Variants in COPG2 observed in about 807,000 individuals in gnomAD.
COPG2 encodes the protein coatomer subunit gamma-2.
In COPG2, 37 loss-of-function variants were observed where a neutral mutation model predicts 46.3. The ratio of observed to expected loss-of-function variants is 0.80; its 90% CI spans 0.61 to 1.05. COPG2 has a LOEUF of 1.05. Ranked by LOEUF, COPG2 falls within the 50% of genes least tolerant of loss-of-function variation. The probability of loss-of-function intolerance (pLI) is 0.00; values close to 1 mark genes in which losing one functional copy is unlikely to be tolerated. For missense variants in COPG2, 427 were observed against 387.8 expected (o/e 1.10, Z -0.85); for synonymous variants, 159 against 129.7 (o/e 1.23, Z -1.53).
chr7:130,544,341 A>G (rs1349676893), intron 20 of COPG2, among the ~76,000 whole-genome samples: 2 of 152,180 alleles, frequency 1.3e-5, no homozygotes, highest in African/African-American at 2.4e-5. Context: ...CACTTTAAGG[A>G]AGTGTAGGCA....
intron 12 of COPG2, among the ~76,000 whole-genome samples, chr7:130,555,685 C>G (rs1401931534): frequency 2.0e-5 from 3 of 151,980 alleles, no homozygotes; most frequent in Non-Finnish European, 4.4e-5. Flanking sequence ...AAATATTAGC[C>G]AGGTGTGGTG....
intron 5 of COPG2, among the ~76,000 whole-genome samples, chr7:130,622,125 G>C (rs1428104259): frequency 2.6e-5 from 4 of 152,046 alleles, no homozygotes; most frequent in Non-Finnish European, 4.4e-5. Flanking sequence ...TGAATGACAG[G>C]GAAATGAACA....
intron 9 of COPG2, among the ~76,000 whole-genome samples, chr7:130,588,683 TATATC>T (rs1794335529): frequency 6.6e-6 from 1 of 152,098 alleles, no homozygotes; most frequent in South Asian, 2.1e-4. Flanking sequence ...CATTAGGAGA[TATATC>T]TAATGCTAAA....
chr7:130,574,589 G>T (rs1278250708), intron 9 of COPG2, among the ~76,000 whole-genome samples: 3 of 152,112 alleles, frequency 2.0e-5, no homozygotes, highest in African/African-American at 7.2e-5. Flanking sequence ...CTACCCAAAT[G>T]AGAAGGAACC....
intron 4 of COPG2, among the ~76,000 whole-genome samples, chr7:130,653,636 T>C (rs1329999005): frequency 1.3e-5 from 2 of 152,192 alleles, no homozygotes; most frequent in Admixed American, 1.3e-4. Flanking sequence ...GATTTATTCA[T>C]ACACTATGGA....
intron 1 of COPG2, among the ~76,000 whole-genome samples, 186 bp downstream of exon 1, chr7:130,668,446 C>A (rs1193787100): frequency 1.3e-5 from 2 of 149,066 alleles, no homozygotes; most frequent in East Asian, 2.0e-4. Flanking sequence ...GGCTCCGGCG[C>A]CCGGGGGAGG....
chr7:130,556,605 A>G (rs1793630547), intron 12 of COPG2, among the ~76,000 whole-genome samples: 2 of 152,240 alleles, frequency 1.3e-5, no homozygotes. Flanking sequence ...ATTACAGACT[A>G]AAATCATTTA....
At chr7:130,508,903 C>A in intron 20 of COPG2, 1 of 546,422 alleles carries the variant, frequency 1.8e-6, no homozygotes, top group Non-Finnish European at 3.3e-6. Flanking sequence ...CATGGGCAGA[C>A]TGTTTCTCTA....
chr7:130,579,738 A>G (rs1794095264), intron 9 of COPG2, among the ~76,000 whole-genome samples: 1 of 151,136 alleles, frequency 6.6e-6, no homozygotes, highest in South Asian at 2.1e-4. Flanking sequence ...AACAAAGATC[A>G]AAAGAGACAA....
intron 12 of COPG2, among the ~76,000 whole-genome samples, chr7:130,559,658 C>T (rs1793687513): frequency 6.6e-6 from 1 of 152,184 alleles, no homozygotes; most frequent in Non-Finnish European, 1.5e-5. Context: ...GATCCCACTA[C>T]CACAGGCACT....
chr7:130,599,236 T>G (rs1469309856), intron 9 of COPG2, among the ~76,000 whole-genome samples: 1 of 152,094 alleles, frequency 6.6e-6, no homozygotes, highest in Non-Finnish European at 1.5e-5. Flanking sequence ...TATAGAAAAC[T>G]CCAGGCAGCA....
At chr7:130,606,589 T>G (rs1447257564) in intron 9 of COPG2, among the ~76,000 whole-genome samples, 1 of 152,228 alleles carries the variant, frequency 6.6e-6, no homozygotes, top group African/African-American at 2.4e-5. Flanking sequence ...ACGATGAAGT[T>G]GGATATTTAC....
At chr7:130,620,842 T>C (rs1795027360) in intron 5 of COPG2, among the ~76,000 whole-genome samples, 1 of 152,200 alleles carries the variant, frequency 6.6e-6, no homozygotes, top group Admixed American at 6.5e-5. Context: ...GTTTTGCATG[T>C]AGGATGGATG....
intron 9 of COPG2, among the ~76,000 whole-genome samples, chr7:130,577,800 A>C (rs1794038741): frequency 1.3e-5 from 2 of 151,782 alleles, no homozygotes; most frequent in South Asian, 2.1e-4. Flanking sequence ...AAAAAAAAAA[A>C]ACAGCCCACC....
intron 5 of COPG2, among the ~76,000 whole-genome samples, chr7:130,643,383 G>A (rs1037281244): frequency 5.9e-5 from 9 of 152,102 alleles, no homozygotes; most frequent in African/African-American, 2.2e-4. Context: ...GATGATACCA[G>A]TCATTTAGTC....
intron 9 of COPG2, chr7:130,605,814 T>G (rs782453567): frequency 3.9e-6 from 2 of 518,880 alleles, no homozygotes; most frequent in South Asian, 2.8e-5. Context: ...GTGTCAGACT[T>G]CTAATCTACA....
intron 5 of COPG2, among the ~76,000 whole-genome samples, chr7:130,629,556 G>T (rs531225806): frequency 9.2e-5 from 14 of 151,778 alleles, no homozygotes; most frequent in African/African-American, 3.4e-4. Context: ...CACCATGCCT[G>T]GCTAATTTTT....
intron 12 of COPG2, among the ~76,000 whole-genome samples, chr7:130,558,815 C>T (rs910179296): frequency 6.6e-6 from 1 of 152,130 alleles, no homozygotes; most frequent in African/African-American, 2.4e-5. Context: ...AGCTACCACA[C>T]CTGGCTTTAA....
Position 130,507,481 on chromosome 7 carries a change from GGTT to G in COPG2, c.2387-112_2387-110del, listed in dbSNP as rs1799517113. 3 of 728,546 alleles carry G rather than the reference GGTT, an allele frequency of 4.1e-6. No individual in the cohort carries two copies. The East Asian group carries it at 7.4e-5, about 18-fold the overall frequency. 45.1% of individuals were successfully genotyped at this position (728,546 alleles called of 1,614,324 possible). On this transcript the variant is annotated intron_variant, in intron 22 of 23. Coordinates refer to ENST00000425248, the MANE Select transcript of COPG2 (RefSeq NM_012133.6). The stretch of plus-strand genomic sequence containing the variant: ...GGTGGAAGGGTTTGTTGGTGAAGGG[GGTT>G]GTTGGTGATGTGTAGAGGGAGGCTA...
Sources: gnomAD v4.1 joint callset for allele counts (sites outside exome capture counted in the v4.1 genomes callset) on GRCh38, gnomAD v4.1.1 for gene constraint, MANE v1.5 for transcripts, NCBI Gene and HGNC (gene_info 2026-07-23, HGNC 2026-07-21) for gene names.